Variants in TMCO5A observed in about 807,000 individuals in gnomAD.
TMCO5A encodes the protein transmembrane and coiled-coil domain-containing protein 5A.
TMCO5A carries 34 observed loss-of-function variants against 42.3 expected under a neutral mutation model. The ratio of observed to expected loss-of-function variants is 0.80; its 90% CI spans 0.61 to 1.07. TMCO5A has a LOEUF of 1.07. Ranked by LOEUF, TMCO5A falls within the 50% of genes least tolerant of loss-of-function variation. The pLI, the probability that TMCO5A is intolerant of heterozygous loss-of-function variation, is 0.00. For missense variants in TMCO5A, 357 were observed against 327.9 expected, an observed-to-expected ratio of 1.09 and a Z score of -0.69; for synonymous variants, 131 against 115.6, an observed-to-expected ratio of 1.13 and a Z score of -0.86.
At chr15:37,978,202 G>A in the TMCO5A span, among the ~76,000 whole-genome samples, 1 of 152,218 alleles carries the variant, frequency 6.6e-6, no homozygotes, top group Non-Finnish European at 1.5e-5. Flanking sequence ...GGGTGTCAGG[G>A]CTTACAGGGA....
Position 37,936,906 on chromosome 15 carries a change from A to G in TMCO5A, c.200A>G (p.Glu67Gly), listed in dbSNP as rs758051282. ...GTGGAAGATGAAGAGTGGGAGAAGG[A>G]GAACCGCACCACGATGGAAAGGGAA... ...GLVEDEEWEKENRTTMERERA... is the reference protein window; with the variant it reads ...GLVEDEEWEKGNRTTMERERA... Residue 67 changes from glutamate (E) to glycine (G), a missense_variant, in exon 4 of 12, where the codon GAG (glutamate) becomes GGG (glycine). Glu to Gly is a moderately conservative substitution (Grantham distance 98, BLOSUM62 -2). Coordinates refer to ENST00000319669, the MANE Select transcript of TMCO5A (RefSeq NM_152453.4). 6.2e-7 allele frequency: 1 copy of G among 1,612,680 alleles called. No homozygotes were observed. Among genetic ancestry groups the G allele is most frequent in the Admixed American group, 1.7e-5 (1 of 59,866 alleles).
exon 12 of TMCO5A, chr15:37,966,988 G>C: frequency 3.2e-6 from 1 of 314,310 alleles, no homozygotes; most frequent in Non-Finnish European, 5.9e-6. Context: ...ACACGCAAAA[G>C]CAGAGGTCTA....
At chr15:37,966,797 A>C in exon 12 of TMCO5A, 1 of 676,424 alleles carries the variant, frequency 1.5e-6, no homozygotes, top group Non-Finnish European at 2.7e-6. Flanking sequence ...CCCACAGTCA[A>C]TGTGGCCAGA....
the TMCO5A span, among the ~76,000 whole-genome samples, chr15:37,982,458 T>G: frequency 1.4e-5 from 1 of 70,964 alleles, no homozygotes; most frequent in Admixed American, 1.4e-4. Context: ...ATATAACACC[T>G]ATTATATAAT....
the TMCO5A span, among the ~76,000 whole-genome samples, chr15:37,973,306 T>C: frequency 2.6e-5 from 4 of 152,088 alleles, no homozygotes; most frequent in Admixed American, 2.6e-4. Context: ...GAATTTTGAA[T>C]AGTTTTTTAT....
chr15:38,030,383 A>G, the TMCO5A span, among the ~76,000 whole-genome samples: 23 of 152,296 alleles, frequency 1.5e-4, no homozygotes, highest in African/African-American at 5.3e-4. Context: ...GATTCTATTC[A>G]GTTTAATTCC....
At position 37,951,017 on chromosome 15, in the gene TMCO5A, C is replaced by A; in HGVS notation, c.669-19C>A. On this transcript the variant is annotated intron_variant, in intron 11 of 11. Transcript: ENST00000319669. The stretch of plus-strand genomic sequence containing the variant: ...TTTCTAAGCTTCTGGTTAACAGTTT[C>A]ATGGCATTCTCTTTTTAGGATTTTT... 4 of 1,607,824 alleles carry A rather than the reference C, an allele frequency of 2.5e-6. No individual in the cohort carries two copies. Among genetic ancestry groups the A allele is most frequent in the Non-Finnish European group, 3.4e-6 (4 of 1,177,376 alleles).
chr15:37,982,534 ATAT>A, the TMCO5A span, among the ~76,000 whole-genome samples: 2 of 141,466 alleles, frequency 1.4e-5, no homozygotes, highest in Non-Finnish European at 3.0e-5. Flanking sequence ...TATATAATAG[ATAT>A]TATATATTAT....
chr15:37,991,424 C>T, the TMCO5A span, among the ~76,000 whole-genome samples: 2 of 152,088 alleles, frequency 1.3e-5, no homozygotes, highest in Non-Finnish European at 2.9e-5. Flanking sequence ...TAATGTGTCT[C>T]AGTGTGGGCC....
the TMCO5A span, among the ~76,000 whole-genome samples, chr15:38,037,770 G>A: frequency 6.6e-6 from 1 of 152,110 alleles, no homozygotes; most frequent in Admixed American, 6.5e-5. Flanking sequence ...ATTCCAGCAA[G>A]TTGGGAGGCC....
chr15:37,971,559 G>T (rs1244742753), downstream of TMCO5A, among the ~76,000 whole-genome samples: 1 of 152,068 alleles, frequency 6.6e-6, no homozygotes, highest in East Asian at 1.9e-4. Flanking sequence ...TCAGAAAATG[G>T]GATTTTCTTT....
chr15:38,036,518 A>C, the TMCO5A span, among the ~76,000 whole-genome samples: 4 of 151,292 alleles, frequency 2.6e-5, no homozygotes, highest in African/African-American at 9.8e-5. Flanking sequence ...ACACACACAC[A>C]CACACACACT....
At chr15:37,960,884 T>G (rs1890407665) in intron 11 of TMCO5A, among the ~76,000 whole-genome samples, 1 of 152,102 alleles carries the variant, frequency 6.6e-6, no homozygotes, top group Non-Finnish European at 1.5e-5. Context: ...GATTGTTTGG[T>G]TTTTCTTGCT....
chr15:37,938,972 A>G (rs1441943003), intron 6 of TMCO5A, among the ~76,000 whole-genome samples: 1 of 152,068 alleles, frequency 6.6e-6, no homozygotes, highest in Non-Finnish European at 1.5e-5. Context: ...TGTGTTGCAG[A>G]GACTTTATTT....
downstream of TMCO5A, among the ~76,000 whole-genome samples, chr15:37,968,029 A>G (rs1265537668): frequency 6.6e-6 from 1 of 152,206 alleles, no homozygotes; most frequent in Admixed American, 6.5e-5. Context: ...ACCAGGATGT[A>G]TTGTTACCTT....
At chr15:37,943,111 G>T in intron 9 of TMCO5A, 1 of 384,196 alleles carries the variant, frequency 2.6e-6, no homozygotes. Flanking sequence ...AATTTTCTGT[G>T]CTAGTTAGTA....
At chr15:38,027,312 A>G in the TMCO5A span, among the ~76,000 whole-genome samples, 6 of 152,316 alleles carry the variant, frequency 3.9e-5, no homozygotes, top group South Asian at 1.2e-3. Context: ...TGAGACCTGG[A>G]GTCAAAGGAG....
chr15:37,974,489 C>T, the TMCO5A span, among the ~76,000 whole-genome samples: 9 of 151,998 alleles, frequency 5.9e-5, no homozygotes, highest in African/African-American at 2.2e-4. Flanking sequence ...ACTTGGGAGG[C>T]GTAGGTTTCC....
At chr15:37,937,224 A>T in intron 4 of TMCO5A, 122 bp from the exon 5 acceptor site, 1 of 1,209,646 alleles carries the variant, frequency 8.3e-7, no homozygotes, top group South Asian at 1.3e-5. Context: ...TACACATGAC[A>T]TTATGCAAAT....
Sources: gnomAD v4.1 joint callset for allele counts (sites outside exome capture counted in the v4.1 genomes callset) on GRCh38, gnomAD v4.1.1 for gene constraint, MANE v1.5 for transcripts, NCBI Gene and HGNC (gene_info 2026-07-23, HGNC 2026-07-21) for gene names.